The following PBX1 variants were observed in gnomAD, a reference collection of about 807,000 sequenced individuals.
PBX1 encodes the protein pre-B-cell leukemia transcription factor 1.
Under a neutral mutation model 53.4 loss-of-function variants are expected in PBX1, and 6 were observed. The ratio of observed to expected loss-of-function variants is 0.11; its 90% CI spans 0.06 to 0.22. The LOEUF is 0.22. Ranked by LOEUF, PBX1 falls within the 10% of genes least tolerant of loss-of-function variation. The pLI is 1.00. For missense variants in PBX1, 251 were observed against 551.4 expected, an observed-to-expected ratio of 0.46 and a Z score of 5.46; for synonymous variants, 204 against 212.3, an observed-to-expected ratio of 0.96 and a Z score of 0.34.
Position 164,821,568 on chromosome 1 carries a change from CAGG to C in PBX1, c.1147_1149del (p.Gly383del). On this transcript the variant is annotated inframe_deletion, in exon 8 of 9. Transcript: ENST00000420696. Reference sequence around the variant, plus strand: ...ACCCTTCGCCATGTTATCAGCCAGACAGGAGGATACAGTGATGGACTCGCAGCC... The same window carrying C: ...ACCCTTCGCCATGTTATCAGCCAGACAGGATACAGTGATGGACTCGCAGCC... The C allele has an allele frequency of 6.2e-7, 1 of 1,614,086 alleles. No individual in the cohort carries two copies. Among genetic ancestry groups the C allele is most frequent in the Non-Finnish European group, 8.5e-7 (1 of 1,179,960 alleles).
intron 2 of PBX1, among the ~76,000 whole-genome samples, chr1:164,614,184 A>G (rs1370419710): frequency 6.6e-6 from 1 of 152,218 alleles, no homozygotes; most frequent in Non-Finnish European, 1.5e-5. Flanking sequence ...GTGTGGAAGT[A>G]CATGAAAGAA....
chr1:164,775,013 G>C (rs935676125), intron 2 of PBX1, among the ~76,000 whole-genome samples: 5 of 152,194 alleles, frequency 3.3e-5, no homozygotes, highest in African/African-American at 1.2e-4. Context: ...CCTAGCAAGA[G>C]TTGTTTATAT....
At chr1:164,715,556 G>A (rs982875308) in intron 2 of PBX1, among the ~76,000 whole-genome samples, 1 of 152,130 alleles carries the variant, frequency 6.6e-6, no homozygotes, top group Non-Finnish European at 1.5e-5. Context: ...CATGCTGGGG[G>A]ACCTTATCTA....
chr1:164,583,762 T>TC (rs1654778928), intron 2 of PBX1, among the ~76,000 whole-genome samples: 1 of 152,140 alleles, frequency 6.6e-6, no homozygotes, highest in Non-Finnish European at 1.5e-5. Context: ...TTTCTCCTCT[T>TC]CCTTCTTTCT....
At chr1:164,823,720 C>G (rs1032356236) in intron 8 of PBX1, among the ~76,000 whole-genome samples, 1 of 152,004 alleles carries the variant, frequency 6.6e-6, no homozygotes, top group Admixed American at 6.6e-5. Context: ...TGTCTGATGA[C>G]ATAAGCCCAC....
rs71670294 is a variant in PBX1 at position 164,835,239 on chromosome 1, GTTTTT to G, written c.1201-11331_1201-11327del. Among the ~76,000 whole-genome samples, 957 of 136,142 alleles carry G rather than the reference GTTTTT, an allele frequency of 7.0e-3. 6 individuals carry two copies. The highest frequency in any genetic ancestry group is 0.01 in the Non-Finnish European group (648 of 62,810). 89.3% of individuals were successfully genotyped at this position (136,142 alleles called of 152,430 possible). A position where few individuals can be genotyped will look rare whatever the true frequency, so the allele number is the denominator to read the frequency against. ...AACATTTAAGCTACTTTTGATTTTG[GTTTTT>G]TTTTTTTTTTTTTACTATTATTAAT... On this transcript the variant is annotated intron_variant, in intron 8 of 8. Transcript: ENST00000420696.
chr1:164,664,051 G>T (rs1238306610), intron 2 of PBX1, among the ~76,000 whole-genome samples: 1 of 152,192 alleles, frequency 6.6e-6, no homozygotes, highest in East Asian at 1.9e-4. Context: ...CAGCCACTTT[G>T]CATTTGGTGA....
intron 2 of PBX1, among the ~76,000 whole-genome samples, chr1:164,716,454 T>C (rs77345804): frequency 6.6e-6 from 1 of 152,300 alleles, no homozygotes; most frequent in East Asian, 1.9e-4. Flanking sequence ...AGAATTTTGA[T>C]CTGTAAACAT....
intron 2 of PBX1, among the ~76,000 whole-genome samples, chr1:164,691,779 A>T (rs1390163476): frequency 6.6e-6 from 1 of 152,172 alleles, no homozygotes; most frequent in Non-Finnish European, 1.5e-5. Context: ...TCTTCCACAG[A>T]TCCCCAATCT....
At position 164,747,984 on chromosome 1, in the gene PBX1, A is replaced by G. The variant is rs149540830; in HGVS notation, c.266-44510A>G. On this transcript the variant is annotated intron_variant, in intron 2 of 8. Coordinates refer to ENST00000420696, the MANE Select transcript of PBX1 (RefSeq NM_002585.4). ...CATAAGTAAATGATGCATGCCAAGC[A>G]GTTCATGAAAAGAGGTGTACCCACT... 4.7e-4 allele frequency among the ~76,000 whole-genome samples: 71 copies of G among 152,264 alleles called. No individual in the cohort carries two copies. The East Asian group carries it at 9.5e-3, about 20-fold the overall frequency.
At chr1:164,585,722 G>A (rs538191057) in intron 2 of PBX1, among the ~76,000 whole-genome samples, 1 of 152,174 alleles carries the variant, frequency 6.6e-6, no homozygotes, top group South Asian at 2.1e-4. Flanking sequence ...GTTCTTCTTA[G>A]TTGCCAAGGC....
intron 6 of PBX1, chr1:164,813,711 A>G (rs1571456733): frequency 6.6e-6 from 1 of 152,264 alleles, no homozygotes; most frequent in East Asian, 1.9e-4. Flanking sequence ...GTATATCTGC[A>G]TCGCAGATGG....
chr1:164,862,727 AC>A (rs1672129395), intron 2 of PBX1, among the ~76,000 whole-genome samples: 1 of 152,140 alleles, frequency 6.6e-6, no homozygotes, highest in Non-Finnish European at 1.5e-5. Flanking sequence ...CCCCTTGGCT[AC>A]TTCCCCAGCA....
intron 2 of PBX1, among the ~76,000 whole-genome samples, chr1:164,717,413 C>T (rs1261067103): frequency 6.6e-6 from 1 of 152,118 alleles, no homozygotes; most frequent in African/African-American, 2.4e-5. Context: ...GCAAATGCAA[C>T]CATATTGGGA....
rs929085443 is a variant in PBX1, at chr1:164,812,275, G to A, written c.997+126G>A. 53 of 931,024 alleles carry A rather than the reference G, an allele frequency of 5.7e-5. 1 individual carries two copies. The highest frequency in any genetic ancestry group is 6.2e-6 in the Non-Finnish European group (4 of 649,596). 57.7% of individuals were successfully genotyped at this position (931,024 alleles called of 1,614,324 possible). A position where few individuals can be genotyped will look rare whatever the true frequency, so the allele number is the denominator to read the frequency against. On this transcript the variant is annotated intron_variant, in intron 6 of 8. Transcript: ENST00000420696. ...GATTGGTTAATTTCTGTATTTGATT[G>A]TATTTTTGGATGTTAATGTCACTTT...
intron 2 of PBX1, among the ~76,000 whole-genome samples, chr1:164,727,591 G>T (rs1256004050): frequency 6.6e-6 from 1 of 152,156 alleles, no homozygotes; most frequent in Admixed American, 6.5e-5. Context: ...GGTGGAAAGG[G>T]GTCTTGAGTT....
chr1:164,718,801 A>C (rs1052503264), intron 2 of PBX1, among the ~76,000 whole-genome samples: 1 of 152,320 alleles, frequency 6.6e-6, no homozygotes, highest in Non-Finnish European at 1.5e-5. Context: ...GGCAGGAATT[A>C]GTTTTGAAAA....
intron 2 of PBX1, among the ~76,000 whole-genome samples, chr1:164,634,538 C>G (rs1451776021): frequency 2.0e-5 from 3 of 152,148 alleles, no homozygotes; most frequent in Admixed American, 2.0e-4. Context: ...AAATCAGTTT[C>G]TTCTTTAGTC....
intron 2 of PBX1, among the ~76,000 whole-genome samples, chr1:164,655,114 T>A (rs1406480981): frequency 2.7e-5 from 4 of 146,784 alleles, no homozygotes; most frequent in African/African-American, 1.0e-4. Flanking sequence ...TTTTTTTTTT[T>A]TTATTTTTAT....
Sources: gnomAD v4.1 joint callset for allele counts (sites outside exome capture counted in the v4.1 genomes callset) on GRCh38, gnomAD v4.1.1 for gene constraint, MANE v1.5 for transcripts, NCBI Gene and HGNC (gene_info 2026-07-23, HGNC 2026-07-21) for gene names.